The following SGCZ variants were observed in gnomAD, a reference collection of about 807,000 sequenced individuals.
The protein encoded by SGCZ is zeta-sarcoglycan.
A neutral mutation model predicts 41.3 loss-of-function variants in SGCZ; 40 were observed. The observed-to-expected ratio is 0.97, with a 90% CI of 0.75 to 1.26. The LOEUF (loss-of-function observed/expected upper bound fraction) is 1.26, where lower values mean the gene tolerates loss of function less well. Ranked by LOEUF, SGCZ falls within the 50% of genes most tolerant of loss-of-function variation. The pLI is 0.00. For missense variants in SGCZ, 552 were observed against 369.8 expected (o/e 1.49, Z -4.04); for synonymous variants, 206 against 137.5 (o/e 1.50, Z -3.49).
At chr8:14,279,658 C>T (rs1800353418) in intron 3 of SGCZ, among the ~76,000 whole-genome samples, 1 of 152,014 alleles carries the variant, frequency 6.6e-6, no homozygotes, top group Admixed American at 6.6e-5. Flanking sequence ...GCTTCTTTGA[C>T]TGCACAGCTT....
intron 1 of SGCZ, among the ~76,000 whole-genome samples, chr8:14,767,223 T>G (rs376825472): frequency 9.2e-5 from 14 of 152,304 alleles, no homozygotes; most frequent in African/African-American, 3.4e-4. Flanking sequence ...GGCCTTGCAG[T>G]AGCCTACTTT....
intron 5 of SGCZ, among the ~76,000 whole-genome samples, chr8:14,118,461 G>A (rs1802593422): frequency 6.6e-6 from 1 of 152,016 alleles, no homozygotes; most frequent in Admixed American, 6.6e-5. Flanking sequence ...CTGGATATTA[G>A]CCCTTTGTCA....
intron 1 of SGCZ, among the ~76,000 whole-genome samples, chr8:14,982,010 C>T (rs748738437): frequency 2.6e-5 from 4 of 151,762 alleles, no homozygotes; most frequent in Admixed American, 6.6e-5. Flanking sequence ...ATTAGCCAGG[C>T]GTGGTGGCTC....
intron 1 of SGCZ, among the ~76,000 whole-genome samples, chr8:14,747,622 C>T (rs1021584002): frequency 4.6e-5 from 7 of 150,716 alleles, no homozygotes; most frequent in Non-Finnish European, 8.9e-5. Flanking sequence ...ATGACATATT[C>T]TGCAATGTTG....
rs555845034 is a variant in SGCZ at position 14,585,650 on chromosome 8, C to A, written c.40-30724G>T. Among the ~76,000 whole-genome samples the A allele has an allele frequency of 3.3e-4, 50 of 152,134 alleles. 1 individual carries two copies. The highest frequency in any genetic ancestry group is 1.2e-3 in the African/African-American group (48 of 41,524). ...ATGAAAAATATATCAGACTCATTCTCTGAAAGAAAATTTAATTACAATTGA... is the reference window on the plus strand; with the variant it reads ...ATGAAAAATATATCAGACTCATTCTATGAAAGAAAATTTAATTACAATTGA... On this transcript the variant is annotated intron_variant, in intron 1 of 7. Coordinates refer to ENST00000382080, the MANE Select transcript of SGCZ (RefSeq NM_139167.4).
At chr8:14,432,161 C>T (rs1184023674) in intron 2 of SGCZ, among the ~76,000 whole-genome samples, 1 of 152,160 alleles carries the variant, frequency 6.6e-6, no homozygotes, top group African/African-American at 2.4e-5. Context: ...ACCATTTGAT[C>T]CAGCAATCCC....
chr8:14,632,153 G>T (rs1367757029), intron 1 of SGCZ, among the ~76,000 whole-genome samples: 1 of 151,922 alleles, frequency 6.6e-6, no homozygotes. Flanking sequence ...TGAATAGCTG[G>T]GACTACAGGC....
At chr8:14,140,268 A>C (rs373314475) in intron 5 of SGCZ, among the ~76,000 whole-genome samples, 4 of 152,156 alleles carry the variant, frequency 2.6e-5, no homozygotes, top group Non-Finnish European at 5.9e-5. Context: ...GCACAAGACA[A>C]GGATGCCCTT....
chr8:14,466,572 C>T (rs1801056373), intron 2 of SGCZ, among the ~76,000 whole-genome samples: 1 of 151,870 alleles, frequency 6.6e-6, no homozygotes, highest in Non-Finnish European at 1.5e-5. Context: ...TCATCTGGGA[C>T]TCTCACAGTG....
At chr8:14,674,716 T>TG (rs1808214416) in intron 1 of SGCZ, among the ~76,000 whole-genome samples, 1 of 151,860 alleles carries the variant, frequency 6.6e-6, no homozygotes, top group Non-Finnish European at 1.5e-5. Flanking sequence ...CCCTTTGTAT[T>TG]GTCCTTGAAA....
chr8:14,620,076 T>C (rs1269780422), intron 1 of SGCZ, among the ~76,000 whole-genome samples: 1 of 152,180 alleles, frequency 6.6e-6, no homozygotes, highest in African/African-American at 2.4e-5. Flanking sequence ...AGCATGGTAC[T>C]GGTACCAAAA....
intron 1 of SGCZ, among the ~76,000 whole-genome samples, chr8:14,885,806 G>C (rs1039048633): frequency 6.6e-6 from 1 of 151,410 alleles, no homozygotes; most frequent in Admixed American, 6.6e-5. Flanking sequence ...TTTTGTTGTT[G>C]ATGATGTTAT....
intron 2 of SGCZ, among the ~76,000 whole-genome samples, chr8:14,419,211 T>C (rs1181208920): frequency 6.6e-6 from 1 of 151,844 alleles, no homozygotes; most frequent in African/African-American, 2.4e-5. Flanking sequence ...AAAAGAAAAC[T>C]GAAAGTTAGG....
chr8:14,405,080 T>C (rs370095495), intron 2 of SGCZ, among the ~76,000 whole-genome samples: 3 of 152,304 alleles, frequency 2.0e-5, no homozygotes, highest in African/African-American at 7.2e-5. Flanking sequence ...ACTGTGACCC[T>C]GCTAACTACT....
At chr8:15,002,420 C>A (rs984881202) in intron 1 of SGCZ, among the ~76,000 whole-genome samples, 2 of 152,090 alleles carry the variant, frequency 1.3e-5, no homozygotes, top group African/African-American at 4.8e-5. Flanking sequence ...TTTAAGGTTT[C>A]TGAGGCTTCT....
At chr8:14,526,274 T>A (rs963478015) in intron 2 of SGCZ, among the ~76,000 whole-genome samples, 1 of 152,134 alleles carries the variant, frequency 6.6e-6, no homozygotes, top group Admixed American at 6.6e-5. Flanking sequence ...TATGTTGACA[T>A]GTTATGCCTC....
intron 1 of SGCZ, among the ~76,000 whole-genome samples, chr8:14,590,752 G>A (rs1483775020): frequency 6.8e-6 from 1 of 147,252 alleles, no homozygotes; most frequent in Admixed American, 6.8e-5. Flanking sequence ...ACTATATACT[G>A]TCATAGTATA....
chr8:14,158,864 G>T (rs1009812616), intron 5 of SGCZ, among the ~76,000 whole-genome samples: 1 of 152,082 alleles, frequency 6.6e-6, no homozygotes, highest in South Asian at 2.1e-4. Flanking sequence ...TGCCTCCTGG[G>T]TTCAAATGAT....
At chr8:14,888,241 G>A (rs186635220) in intron 1 of SGCZ, among the ~76,000 whole-genome samples, 1 of 152,254 alleles carries the variant, frequency 6.6e-6, no homozygotes, top group African/African-American at 2.4e-5. Flanking sequence ...GGCTAAGATT[G>A]CAGGGCACCG....
Sources: gnomAD v4.1 joint callset for allele counts (sites outside exome capture counted in the v4.1 genomes callset) on GRCh38, gnomAD v4.1.1 for gene constraint, MANE v1.5 for transcripts, NCBI Gene and HGNC (gene_info 2026-07-23, HGNC 2026-07-21) for gene names.